The following CACNA1B variants were observed in gnomAD, a reference collection of about 807,000 sequenced individuals.
The protein encoded by CACNA1B is voltage-dependent N-type calcium channel subunit alpha-1B.
A neutral mutation model predicts 247.2 loss-of-function variants in CACNA1B; 70 were observed. The observed-to-expected ratio is 0.28, with a 90% CI of 0.23 to 0.35. CACNA1B has a LOEUF of 0.35. Among genes scored for constraint, CACNA1B ranks in the 10% least tolerant of loss-of-function variants. The pLI is 1.00. For synonymous variants in CACNA1B, 1,231 were observed against 1,294.4 expected (o/e 0.95, Z 1.05); for missense variants, 2,367 against 3,197.4 (o/e 0.74, Z 6.26).
rs973378675 is a variant in CACNA1B, at chr9:138,110,806, A to C, written c.5429-1592A>C. 2.6e-5 allele frequency among the ~76,000 whole-genome samples: 4 copies of C among 152,208 alleles called. No individual in the cohort carries two copies. The East Asian group carries it at 7.7e-4, about 29-fold the overall frequency. On this transcript the variant is annotated intron_variant, in intron 39 of 46. Coordinates refer to ENST00000371372, the MANE Select transcript of CACNA1B (RefSeq NM_000718.4). Reference sequence around the variant, plus strand: ...CATATTTGCTAAACACGTATCTGCTATAGGATTAGTATTCCTAATATATGA... The same window carrying C: ...CATATTTGCTAAACACGTATCTGCTCTAGGATTAGTATTCCTAATATATGA...
intron 12 of CACNA1B, among the ~76,000 whole-genome samples, chr9:137,983,048 T>C (rs1284011859): frequency 6.6e-6 from 1 of 152,222 alleles, no homozygotes; most frequent in Admixed American, 6.5e-5. Flanking sequence ...CACAGGGCTC[T>C]GTCTTAGCAT....
chr9:137,917,296 C>T lies in CACNA1B; in HGVS notation c.831C>T (p.Cys277=), dbSNP rs778540767. ...GCAAGGAGGCCCCAGCCCGGCTGTGCGAGGGCGACACTGAGTGCCGGGAGT... is the reference window on the plus strand; with the variant it reads ...GCAAGGAGGCCCCAGCCCGGCTGTGTGAGGGCGACACTGAGTGCCGGGAGT... ...PCGKEAPARL[C]EGDTECREYW... Residue 277 remains cysteine (C), a synonymous_variant, in exon 6 of 47, where the codon TGC becomes TGT. Transcript: ENST00000371372. The surrounding 1 kb of genome is among the most constrained non-coding windows in gnomAD (Gnocchi z 5.5). 179 of 1,613,934 alleles carry T rather than the reference C, an allele frequency of 1.1e-4. No individual in the cohort carries two copies. The Admixed American group carries it at 2.7e-3, about 24-fold the overall frequency.
At position 137,904,514 on chromosome 9, in the gene CACNA1B, G is replaced by T. The variant is rs1321035055; in HGVS notation, c.531-8666G>T. Among the ~76,000 whole-genome samples the T allele has an allele frequency of 4.0e-5, 6 of 151,794 alleles. No homozygotes were observed. The East Asian group carries it at 1.2e-3, about 29-fold the overall frequency. On this transcript the variant is annotated intron_variant, in intron 3 of 46. Coordinates refer to ENST00000371372, the MANE Select transcript of CACNA1B (RefSeq NM_000718.4). ...CCTGAGGGTGGAACTACAGGTGTGT[G>T]CCACCATGCCTGGCTAATTAAAAAA...
intron 38 of CACNA1B, among the ~76,000 whole-genome samples, chr9:138,104,834 C>G (rs1378532104): frequency 6.6e-6 from 1 of 152,250 alleles, no homozygotes; most frequent in Non-Finnish European, 1.5e-5. Flanking sequence ...ACTTGAGATG[C>G]ATTTCCTCCT....
At chr9:138,117,047 G>T (rs1350243790) in intron 42 of CACNA1B, among the ~76,000 whole-genome samples, 1 of 152,258 alleles carries the variant, frequency 6.6e-6, no homozygotes, top group Non-Finnish European at 1.5e-5. Context: ...AGTGATCAGT[G>T]CCACTCAACC....
At chr9:137,940,390 C>G (rs1415675172) in intron 6 of CACNA1B, among the ~76,000 whole-genome samples, 1 of 152,104 alleles carries the variant, frequency 6.6e-6, no homozygotes, top group Non-Finnish European at 1.5e-5. Flanking sequence ...ATACCCTGAA[C>G]AGACCAATAA....
intron 15 of CACNA1B, among the ~76,000 whole-genome samples, chr9:138,001,541 A>C (rs1344421231): frequency 6.6e-6 from 1 of 152,142 alleles, no homozygotes; most frequent in Non-Finnish European, 1.5e-5. Context: ...TAAAAGGAAA[A>C]TAAGGATGCC....
rs1043913345 is a variant in CACNA1B at position 138,025,013 on chromosome 9, C to T, written c.3127C>T (p.Leu1043=). The T allele has an allele frequency of 1.2e-6, 2 of 1,601,282 alleles. No homozygotes were observed. The highest frequency in any genetic ancestry group is 1.7e-6 in the Non-Finnish European group (2 of 1,173,922). ...GTVTVGPMHT[L]PSTCLQKVEE... is the part of the protein sequence containing the mutation. ...TGTGACTGTGGGTCCCATGCACACA[C>T]TGCCCAGCACCTGTCTCCAGAAGGT... Residue 1043 remains leucine (L), a synonymous_variant, in exon 20 of 47, where the codon CTG becomes TTG. Coordinates refer to ENST00000371372, the MANE Select transcript of CACNA1B (RefSeq NM_000718.4).
Position 137,888,647 on chromosome 9 carries a change from G to A in CACNA1B, c.530+5764G>A, listed in dbSNP as rs1437241693. On this transcript the variant is annotated intron_variant, in intron 3 of 46. Coordinates refer to ENST00000371372, the MANE Select transcript of CACNA1B (RefSeq NM_000718.4). This position sits in a 1 kb window ranked among gnomAD's most constrained non-coding sequence, Gnocchi z 4.7. ...GTAATTAGAGCCCAGCTTTCTCCCTGGACCCGGCCTCCTGTGGGTTGAAGA... is the reference window on the plus strand; with the variant it reads ...GTAATTAGAGCCCAGCTTTCTCCCTAGACCCGGCCTCCTGTGGGTTGAAGA... 1.3e-5 allele frequency among the ~76,000 whole-genome samples: 2 copies of A among 152,170 alleles called. No individual in the cohort carries two copies. The highest frequency in any genetic ancestry group is 2.9e-5 in the Non-Finnish European group (2 of 68,018).
At chr9:137,901,744 C>T (rs1365634684) in intron 3 of CACNA1B, among the ~76,000 whole-genome samples, 1 of 139,832 alleles carries the variant, frequency 7.2e-6, no homozygotes, top group Admixed American at 7.6e-5. Flanking sequence ...GGCTAGAGTG[C>T]AGTGGTGCGA....
Position 137,952,898 on chromosome 9 carries a change from C to T in CACNA1B, c.1070+521C>T, listed in dbSNP as rs7034441. The stretch of plus-strand genomic sequence containing the variant: ...TACTGTGGTGAGAAATAACTGGGGG[C>T]ACCCTGATCTCTGTAGCAGTCACCA... On this transcript the variant is annotated intron_variant, in intron 7 of 46. Transcript: ENST00000371372. The surrounding 1 kb of genome is among the most constrained non-coding windows in gnomAD (Gnocchi z 4.8). 0.32 allele frequency among the ~76,000 whole-genome samples: 48,265 copies of T among 151,830 alleles called. 10,339 individuals are homozygous for T. Among genetic ancestry groups the T allele is most frequent in the East Asian group, 0.65 (3,322 of 5,122 alleles).
chr9:138,117,801 T>C, intron 42 of CACNA1B, 145 bp from the exon 43 acceptor site: 2 of 553,006 alleles, frequency 3.6e-6, no homozygotes, highest in East Asian at 3.3e-5. Context: ...AAAGGAGGGC[T>C]CAATTCAGTC....
chr9:137,952,085 C>T lies in CACNA1B; in HGVS notation c.967-189C>T, dbSNP rs570666262. On this transcript the variant is annotated intron_variant, in intron 6 of 46. Transcript: ENST00000371372. The surrounding 1 kb of genome is among the most constrained non-coding windows in gnomAD (Gnocchi z 4.8). ...AGAGAGAACTCTGCCAGCAAGGGCA[C>T]GTCTGCCTGTGGGTGCTGCCTGGAC... Among the ~76,000 whole-genome samples, 8 of 152,266 alleles carry T rather than the reference C, an allele frequency of 5.3e-5. No homozygotes were observed. The highest frequency in any genetic ancestry group is 1.9e-4 in the East Asian group (1 of 5,166).
At chr9:138,098,676 CAG>C (rs1308959084) in intron 37 of CACNA1B, among the ~76,000 whole-genome samples, 1 of 152,094 alleles carries the variant, frequency 6.6e-6, no homozygotes, top group East Asian at 1.9e-4. Flanking sequence ...ATACCAAAGC[CAG>C]AGTCTCAGAG....
intron 20 of CACNA1B, among the ~76,000 whole-genome samples, chr9:138,030,345 A>G (rs1371236726): frequency 6.6e-6 from 1 of 152,034 alleles, no homozygotes; most frequent in Non-Finnish European, 1.5e-5. Context: ...TTCTGCATCA[A>G]TTGATATTAT....
chr9:138,105,770 C>G lies in CACNA1B; in HGVS notation c.5391C>G (p.Ala1797=), dbSNP rs1347910851. Residue 1797 remains alanine (A), a synonymous_variant, in exon 39 of 47, where the codon GCC becomes GCG. Coordinates refer to ENST00000371372, the MANE Select transcript of CACNA1B (RefSeq NM_000718.4). ...MTVHFTSTLM[A]LIRTALEIKL... ...TTCACTTCACGTCCACGCTGATGGC[C>G]CTCATCCGGACGGCACTGGAGATCA... is the stretch of plus-strand genomic sequence containing the variant. The G allele has an allele frequency of 3.2e-6, 5 of 1,564,954 alleles. No individual in the cohort carries two copies. Among genetic ancestry groups the G allele is most frequent in the Non-Finnish European group, 4.3e-6 (5 of 1,155,682 alleles).
At chr9:137,980,630 A>G (rs773153832) in intron 12 of CACNA1B, among the ~76,000 whole-genome samples, 14 of 152,224 alleles carry the variant, frequency 9.2e-5, no homozygotes, top group Non-Finnish European at 1.9e-4. Flanking sequence ...TAGTGAGCAT[A>G]GTACCCGGAA....
chr9:137,900,688 G>T (rs913128290), intron 3 of CACNA1B, among the ~76,000 whole-genome samples: 5 of 148,536 alleles, frequency 3.4e-5, no homozygotes, highest in African/African-American at 5.0e-5. Flanking sequence ...GTGTCTCTGT[G>T]TTCGTGTCTG....
chr9:138,024,504 C>A (rs1056999943), intron 19 of CACNA1B, among the ~76,000 whole-genome samples: 1 of 152,210 alleles, frequency 6.6e-6, no homozygotes, highest in Non-Finnish European at 1.5e-5. Context: ...GGACTAAAGA[C>A]ACGGAGGTGT....
Sources: gnomAD v4.1 joint callset for allele counts (sites outside exome capture counted in the v4.1 genomes callset) on GRCh38, gnomAD v4.1.1 for gene constraint, Gnocchi (gnomAD v3.1) non-coding constraint, MANE v1.5 for transcripts, NCBI Gene and HGNC (gene_info 2026-07-23, HGNC 2026-07-21) for gene names.